The following PRPF8 variants were observed in gnomAD, a reference collection of about 807,000 sequenced individuals.
The protein encoded by PRPF8 is pre-mRNA processing factor 8.
PRPF8 carries 64 observed loss-of-function variants against 285.9 expected under a neutral mutation model. The ratio of observed to expected loss-of-function variants is 0.22; its 90% CI spans 0.18 to 0.28. The LOEUF (loss-of-function observed/expected upper bound fraction) is 0.28, where lower values mean the gene tolerates loss of function less well. PRPF8 is among the 10% of genes least tolerant of loss of function. The probability of loss-of-function intolerance (pLI) is 1.00; values close to 1 mark genes in which losing one functional copy is unlikely to be tolerated. For missense variants in PRPF8, 1,426 were observed against 3,026.7 expected (o/e 0.47, Z 12.41); for synonymous variants, 1,325 against 1,118.2 (o/e 1.18, Z -3.69).
rs1221712992 is a variant in PRPF8 at position 1,684,597 on chromosome 17, G to A, written c.-11-15C>T. On this transcript the variant is annotated splice_polypyrimidine_tract_variant and intron_variant, in intron 1 of 42. Coordinates refer to ENST00000304992, the MANE Select transcript of PRPF8 (RefSeq NM_006445.4). ...ATCCGGAGAATCTGGGGAGCGGCGG[G>A]ATAGAAAAATTCACTAACCACAGGC... 6.2e-7 allele frequency: 1 copy of A among 1,610,964 alleles called. No homozygotes were observed. The highest frequency in any genetic ancestry group is 8.5e-7 in the Non-Finnish European group (1 of 1,178,936).
Position 1,682,360 on chromosome 17 carries a change from A to G in PRPF8, c.270-67T>C, listed in dbSNP as rs998529813. The G allele has an allele frequency of 6.4e-6, 10 of 1,560,306 alleles. No individual in the cohort carries two copies. In the African/African-American group the frequency reaches 1.1e-4, roughly 17 times the overall value. ...GTGTTCTGCTACCTGTCCCATGCAG[A>G]GAAGCCACATGTTCATGTTCCACAG... On this transcript the variant is annotated intron_variant, in intron 3 of 42. Coordinates refer to ENST00000304992, the MANE Select transcript of PRPF8 (RefSeq NM_006445.4).
chr17:1,664,165 G>A (rs1911827568), intron 24 of PRPF8, among the ~76,000 whole-genome samples: 2 of 151,988 alleles, frequency 1.3e-5, no homozygotes, highest in Non-Finnish European at 2.9e-5. Context: ...CAAGCACCTG[G>A]GACTACAGGC....
chr17:1,675,351 C>A lies in PRPF8; in HGVS notation c.2873-12G>T. 1.2e-6 allele frequency: 2 copies of A among 1,613,992 alleles called. No homozygotes were observed. The highest frequency in any genetic ancestry group is 1.7e-6 in the Non-Finnish European group (2 of 1,179,952). ...CAGGTTATTGATGCCTGAGGAGTAG[C>A]AAGGCAGGTCTCCAGCAGGTTAGAA... On this transcript the variant is annotated splice_polypyrimidine_tract_variant and intron_variant, in intron 19 of 42. Transcript: ENST00000304992. The surrounding 1 kb of genome is among the most constrained non-coding windows in gnomAD (Gnocchi z 6.0).
At chr17:1,669,631 T>C (rs1055791217) in intron 24 of PRPF8, among the ~76,000 whole-genome samples, 2 of 152,176 alleles carry the variant, frequency 1.3e-5, no homozygotes. Context: ...TCCCTACTAT[T>C]TCTGTAACAG....
chr17:1,666,241 T>C (rs1055203906), intron 24 of PRPF8, among the ~76,000 whole-genome samples: 11 of 150,092 alleles, frequency 7.3e-5, no homozygotes, highest in Non-Finnish European at 1.5e-4. Flanking sequence ...GGGATGGCAA[T>C]GATAAGAGAA....
Position 1,650,667 on chromosome 17 carries a change from G to T in PRPF8, c.*135C>A. On this transcript the variant is annotated 3_prime_UTR_variant, in exon 43 of 43. Coordinates refer to ENST00000304992, the MANE Select transcript of PRPF8 (RefSeq NM_006445.4). ...AAATTTATTATTATATTTTATTCAG[G>T]ATGACAAGCCATCAGGAGGTCAACA... is the stretch of plus-strand genomic sequence containing the variant. 1 of 990,566 alleles carries T rather than the reference G, an allele frequency of 1.0e-6. No homozygotes were observed. The highest frequency in any genetic ancestry group is 1.6e-6 in the Non-Finnish European group (1 of 639,604). The allele number at this position is 990,566 out of a possible 1,614,324, so 61.4% of individuals were successfully genotyped here. A position where few individuals can be genotyped will look rare whatever the true frequency, so the allele number is the denominator to read the frequency against.
In PRPF8 at chr17:1,676,842, T is replaced by C. The variant is rs576383910; in HGVS notation, c.2182-131A>G. 4.1e-6 allele frequency: 6 copies of C among 1,463,526 alleles called. No homozygotes were observed. The East Asian group carries it at 9.1e-5, about 22-fold the overall frequency. 90.7% of individuals were successfully genotyped at this position (1,463,526 alleles called of 1,614,324 possible). On this transcript the variant is annotated intron_variant, in intron 15 of 42. Transcript: ENST00000304992. The surrounding 1 kb of genome is among the most constrained non-coding windows in gnomAD (Gnocchi z 6.3). Reference sequence around the variant, plus strand: ...GAGCTTGAGGCCAGCCTAAGCAACATGGTGCTTCTTTTCCCTGTCTAAAAG... The same window carrying C: ...GAGCTTGAGGCCAGCCTAAGCAACACGGTGCTTCTTTTCCCTGTCTAAAAG...
At chr17:1,660,392 T>A (rs1206051689) in intron 30 of PRPF8, 40 bp downstream of exon 30, 1 of 1,612,940 alleles carries the variant, frequency 6.2e-7, no homozygotes, top group South Asian at 1.1e-5. Flanking sequence ...CCACCTGAGC[T>A]GACTCTCTAC....
Position 1,676,537 on chromosome 17 carries a change from C to T in PRPF8, c.2356G>A (p.Ala786Thr). Reference sequence around the variant, plus strand: ...TAGTTGTGCTGCCGCTCCTGTTCTGCCTTCAGATAGAGCCGGGTGAGGCGG... The same window carrying T: ...TAGTTGTGCTGCCGCTCCTGTTCTGTCTTCAGATAGAGCCGGGTGAGGCGG... ...LGRLTRLYLK[A>T]EQERQHNYLK... Residue 786 changes from alanine (A) to threonine (T), a missense_variant, in exon 16 of 43, where the codon GCA (alanine) becomes ACA (threonine). Coordinates refer to ENST00000304992, the MANE Select transcript of PRPF8 (RefSeq NM_006445.4). This position sits in a 1 kb window ranked among gnomAD's most constrained non-coding sequence, Gnocchi z 6.3. 6.2e-7 allele frequency: 1 copy of T among 1,614,152 alleles called. No individual in the cohort carries two copies. Among genetic ancestry groups the T allele is most frequent in the East Asian group, 2.2e-5 (1 of 44,886 alleles).
Position 1,673,630 on chromosome 17 carries a change from C to T in PRPF8, c.3447-63G>A. On this transcript the variant is annotated intron_variant, in intron 22 of 42. Transcript: ENST00000304992. The surrounding 1 kb of genome is among the most constrained non-coding windows in gnomAD (Gnocchi z 5.5). Reference sequence around the variant, plus strand: ...GAAGGAACTTCCCTTCAAAGGCCAACTGATGACATCCTGACACAGCCACGC... The same window carrying T: ...GAAGGAACTTCCCTTCAAAGGCCAATTGATGACATCCTGACACAGCCACGC... The T allele has an allele frequency of 6.2e-7, 1 of 1,612,056 alleles. No homozygotes were observed. Among genetic ancestry groups the T allele is most frequent in the Non-Finnish European group, 8.5e-7 (1 of 1,179,302 alleles).
At position 1,681,478 on chromosome 17, in the gene PRPF8, T is replaced by G. The variant is rs751815836; in HGVS notation, c.866A>C (p.Gln289Pro). 2 of 1,571,748 alleles carry G rather than the reference T, an allele frequency of 1.3e-6. No individual in the cohort carries two copies. ...FEPLVRDINL[Q>P]DEDWNEFNDI... ...AAAATCCCTAATCTCTCCAACTCAC[T>G]GTAGGTTGATGTCTCGAACAAGAGG... The change falls in exon 6 of 43, where the codon CAG becomes CCG. Residue 289 changes from glutamine (Q) to proline (P), a missense_variant and splice_region_variant. Around this residue, in one of 34 missense-constraint regions of PRPF8, gnomAD observed 157 missense variants for 159.6 expected, o/e 0.98. Transcript: ENST00000304992.
intron 2 of PRPF8, among the ~76,000 whole-genome samples, chr17:1,683,911 T>C (rs1173515620): frequency 6.7e-6 from 1 of 149,074 alleles, no homozygotes; most frequent in African/African-American, 2.5e-5. Context: ...TTTTGAGAGG[T>C]TGTTTCACTC....
intron 14 of PRPF8, 87 bp from the exon 15 acceptor site, chr17:1,677,259 G>C (rs750776913): frequency 2.9e-5 from 38 of 1,326,046 alleles, no homozygotes; most frequent in Non-Finnish European, 4.0e-5. Context: ...CACTCATTAT[G>C]GTTATTAATA....
chr17:1,671,636 G>A (rs1232673786), intron 24 of PRPF8, among the ~76,000 whole-genome samples: 2 of 152,014 alleles, frequency 1.3e-5, no homozygotes, highest in East Asian at 1.9e-4. Context: ...CGGATCACAA[G>A]GTCAGGAGTT....
chr17:1,654,060 T>TG, intron 37 of PRPF8, 44 bp from the exon 38 acceptor site: 1 of 1,613,844 alleles, frequency 6.2e-7, no homozygotes, highest in Non-Finnish European at 8.5e-7. Context: ...CCCTTCCCCT[T>TG]GGTCACTTCT....
At position 1,679,905 on chromosome 17, in the gene PRPF8, A is replaced by G; in HGVS notation, c.1099-106T>C. 1 of 1,355,848 alleles carries G rather than the reference A, an allele frequency of 7.4e-7. No homozygotes were observed. The highest frequency in any genetic ancestry group is 1.1e-6 in the Non-Finnish European group (1 of 946,708). 84.0% of individuals were successfully genotyped at this position (1,355,848 alleles called of 1,614,324 possible). A position where few individuals can be genotyped will look rare whatever the true frequency, so the allele number is the denominator to read the frequency against. On this transcript the variant is annotated intron_variant, in intron 8 of 42. Transcript: ENST00000304992. This position sits in a 1 kb window ranked among gnomAD's most constrained non-coding sequence, Gnocchi z 4.7. The stretch of plus-strand genomic sequence containing the variant: ...AGCACAAAGCCTGTATCTGCTATGG[A>G]AACTGGGCTGTCTGACAAAAGCAGC...
chr17:1,657,357 G>A (rs566829912), intron 34 of PRPF8, among the ~76,000 whole-genome samples: 8 of 152,048 alleles, frequency 5.3e-5, no homozygotes, highest in African/African-American at 1.2e-4. Context: ...AAGAATATGC[G>A]TTGCTGGGCC....
chr17:1,684,375 T>C, intron 2 of PRPF8, 97 bp downstream of exon 2: 1 of 1,225,046 alleles, frequency 8.2e-7, no homozygotes, highest in Non-Finnish European at 1.2e-6. Flanking sequence ...AGCTGACACC[T>C]CAGGAGCTGC....
intron 3 of PRPF8, 95 bp from the exon 4 acceptor site, chr17:1,682,388 C>G: frequency 6.7e-7 from 1 of 1,488,402 alleles, no homozygotes; most frequent in South Asian, 1.1e-5. Context: ...TTCCACAGTC[C>G]TACCTTACAA....
Sources: allele counts gnomAD v4.1 joint callset (sites outside exome capture counted in the v4.1 genomes callset), GRCh38; gene constraint gnomAD v4.1.1; regional missense constraint gnomAD v4.1.1; non-coding constraint Gnocchi (gnomAD v3.1); transcripts MANE v1.5; gene names NCBI Gene and HGNC (gene_info 2026-07-23, HGNC 2026-07-21).